Variants in TRPM7 observed in about 807,000 individuals in gnomAD.
The protein encoded by TRPM7 is transient receptor potential cation channel subfamily M member 7, also known as LTRPC ion channel family member 7.
TRPM7 carries 134 observed loss-of-function variants against 229.7 expected under a neutral mutation model. The ratio of observed to expected loss-of-function variants is 0.58; its 90% CI spans 0.51 to 0.67. The LOEUF is 0.67. TRPM7 is among the 30% of genes least tolerant of loss of function. The probability of loss-of-function intolerance (pLI) is 0.00; values close to 1 mark genes in which losing one functional copy is unlikely to be tolerated. For synonymous variants in TRPM7, 699 were observed against 715.2 expected (o/e 0.98, Z 0.36); for missense variants, 1,901 against 2,210.0 (o/e 0.86, Z 2.80).
chr15:50,614,075 T>A (rs2060144488), intron 14 of TRPM7, 48 bp downstream of exon 14: 1 of 1,503,122 alleles, frequency 6.7e-7, no homozygotes, highest in African/African-American at 1.4e-5. Context: ...AAAGTGCATG[T>A]GTTAATATTA....
At chr15:50,674,614 T>C (rs2062055518) in intron 1 of TRPM7, among the ~76,000 whole-genome samples, 1 of 152,218 alleles carries the variant, frequency 6.6e-6, no homozygotes, top group Non-Finnish European at 1.5e-5. Flanking sequence ...ATTAACTCTA[T>C]TTACATTTAC....
intron 7 of TRPM7, among the ~76,000 whole-genome samples, chr15:50,635,318 T>TTAAA (rs2060860082): frequency 2.3e-5 from 1 of 42,916 alleles, no homozygotes; most frequent in Non-Finnish European, 4.1e-5. Flanking sequence ...CTCCCTCACA[T>TTAAA]AAAAAAAAAA....
intron 3 of TRPM7, among the ~76,000 whole-genome samples, chr15:50,652,634 CATACGTTCTTCCAAAAAA>C (rs1251218904): frequency 1.5e-5 from 2 of 131,150 alleles, no homozygotes; most frequent in Non-Finnish European, 3.3e-5. Flanking sequence ...ATAAATTCTA[CATACGTTCTTCCAAAAAA>C]ATCGTTTAAG....
At position 50,585,587 on chromosome 15, in the gene TRPM7, C is replaced by T. The variant is rs143432284; in HGVS notation, c.4486+805G>A. On this transcript the variant is annotated intron_variant, in intron 28 of 38. Transcript: ENST00000646667. ...GATCTCATGATTTTTCTCCTTTAAT[C>T]TGCTACTATCATGCATTATCACAAT... is the stretch of plus-strand genomic sequence containing the variant. 1.2e-3 allele frequency among the ~76,000 whole-genome samples: 189 copies of T among 152,268 alleles called. 1 individual carries two copies. The highest frequency in any genetic ancestry group is 2.3e-3 in the Non-Finnish European group (157 of 68,014).
In TRPM7 at chr15:50,581,529, TATATAC is replaced by T. The variant is rs889579470; in HGVS notation, c.4558-627_4558-622del. Among the ~76,000 whole-genome samples, 34 of 151,522 alleles carry T rather than the reference TATATAC, an allele frequency of 2.2e-4. 1 individual carries two copies. The East Asian group carries it at 2.7e-3, about 12-fold the overall frequency. On this transcript the variant is annotated intron_variant, in intron 29 of 38. Coordinates refer to ENST00000646667, the MANE Select transcript of TRPM7 (RefSeq NM_017672.6). Reference sequence around the variant, plus strand: ...AAAAAATAATAAATATATATATGTATATATACATATACATATAAACATCAAAATACA... The same window carrying T: ...AAAAAATAATAAATATATATATGTATATATACATATAAACATCAAAATACA...
intron 21 of TRPM7, among the ~76,000 whole-genome samples, chr15:50,601,720 A>G (rs999045157): frequency 4.6e-5 from 7 of 152,116 alleles, no homozygotes; most frequent in Admixed American, 2.6e-4. Context: ...TGAGAAGTTT[A>G]GCATTTACCA....
intron 10 of TRPM7, 74 bp downstream of exon 10, chr15:50,631,335 CATACACAT>C: frequency 3.1e-6 from 2 of 641,534 alleles, no homozygotes; most frequent in East Asian, 5.8e-5. Flanking sequence ...ATTTTATATA[CATACACAT>C]ATACACACAT....
In TRPM7 at chr15:50,561,542, TTAACTG is replaced by T; in HGVS notation, c.*130_*135del. 1.1e-6 allele frequency: 1 copy of T among 920,172 alleles called. No individual in the cohort carries two copies. The highest frequency in any genetic ancestry group is 1.8e-5 in the South Asian group (1 of 56,490). 57.0% of individuals were successfully genotyped at this position (920,172 alleles called of 1,614,324 possible). On this transcript the variant is annotated 3_prime_UTR_variant, in exon 39 of 39. Coordinates refer to ENST00000646667, the MANE Select transcript of TRPM7 (RefSeq NM_017672.6). ...ATCAGGTCAAAAGAATATTGACCTT[TTAACTG>T]TGCTGGAGTCAGCAAATTCAACTTG...
intron 9 of TRPM7, among the ~76,000 whole-genome samples, chr15:50,632,446 A>C (rs41385348): frequency 0.03 from 4,548 of 152,330 alleles, 248 homozygotes; most frequent in African/African-American, 0.1. Flanking sequence ...TAAAAATTTT[A>C]TCTCTGAAAA....
intron 33 of TRPM7, 129 bp from the exon 34 acceptor site, chr15:50,575,264 C>A: frequency 1.4e-6 from 1 of 705,690 alleles, no homozygotes; most frequent in Non-Finnish European, 2.2e-6. Flanking sequence ...TAGTTTTATA[C>A]AAAGAAATTT....
At chr15:50,677,603 G>C (rs1438106845) in intron 1 of TRPM7, among the ~76,000 whole-genome samples, 1 of 151,820 alleles carries the variant, frequency 6.6e-6, no homozygotes, top group African/African-American at 2.4e-5. Flanking sequence ...GCCGGGTGTG[G>C]TGTCACGCGC....
chr15:50,670,774 A>T (rs142083979), intron 1 of TRPM7, among the ~76,000 whole-genome samples: 148 of 151,702 alleles, frequency 9.8e-4, no homozygotes, highest in African/African-American at 3.4e-3. Context: ...CTTTCCTAAT[A>T]AACTTGCCTT....
chr15:50,579,768 T>A (rs1481121841), intron 30 of TRPM7, among the ~76,000 whole-genome samples: 1 of 152,202 alleles, frequency 6.6e-6, no homozygotes, highest in African/African-American at 2.4e-5. Context: ...TTCTTCTTTA[T>A]ATATTCAGAT....
At chr15:50,586,683 T>G in intron 27 of TRPM7, 195 bp from the exon 28 acceptor site, 2 of 446,374 alleles carry the variant, frequency 4.5e-6, no homozygotes, top group Non-Finnish European at 4.0e-6. Flanking sequence ...ACACCTTATT[T>G]TCCTACTGTT....
intron 5 of TRPM7, among the ~76,000 whole-genome samples, chr15:50,642,867 T>C (rs1596288529): frequency 6.6e-6 from 1 of 152,218 alleles, no homozygotes; most frequent in Non-Finnish European, 1.5e-5. Flanking sequence ...GCGTTTTTTT[T>C]TTAAAGACAA....
At chr15:50,628,881 A>C (rs2060644289) in intron 10 of TRPM7, among the ~76,000 whole-genome samples, 1 of 152,214 alleles carries the variant, frequency 6.6e-6, no homozygotes, top group African/African-American at 2.4e-5. Flanking sequence ...ATACAAGCTC[A>C]TGCATATACT....
intron 38 of TRPM7, among the ~76,000 whole-genome samples, chr15:50,564,634 T>C (rs1566928866): frequency 6.6e-6 from 1 of 152,154 alleles, no homozygotes. Context: ...TAAACCCTTA[T>C]ATTTTTATCT....
At chr15:50,587,160 T>G (rs1385956187) in intron 27 of TRPM7, among the ~76,000 whole-genome samples, 1 of 152,190 alleles carries the variant, frequency 6.6e-6, no homozygotes, top group Non-Finnish European at 1.5e-5. Flanking sequence ...GACACACTGA[T>G]AACATTAATG....
At chr15:50,672,648 G>A (rs546100103) in intron 1 of TRPM7, among the ~76,000 whole-genome samples, 3 of 151,524 alleles carry the variant, frequency 2.0e-5, no homozygotes, top group Admixed American at 1.3e-4. Flanking sequence ...GGTGGCTCAC[G>A]CCTGTAACCC....
Sources: gnomAD v4.1 joint callset for allele counts (sites outside exome capture counted in the v4.1 genomes callset) on GRCh38, gnomAD v4.1.1 for gene constraint, MANE v1.5 for transcripts, NCBI Gene and HGNC (gene_info 2026-07-23, HGNC 2026-07-21) for gene names.